SOS1: variants seen among roughly 807,000 people sequenced by gnomAD.
SOS1 encodes SOS Ras/Rac guanine nucleotide exchange factor 1.
In SOS1, 25 loss-of-function variants were observed where a neutral mutation model predicts 157.6. The observed-to-expected ratio is 0.16, with a 90% CI of 0.12 to 0.22. The LOEUF (loss-of-function observed/expected upper bound fraction) is 0.22. SOS1 is among the 10% of genes least tolerant of loss of function. The probability of loss-of-function intolerance (pLI) is 1.00; values close to 1 mark genes in which losing one functional copy is unlikely to be tolerated. For synonymous variants in SOS1, 528 were observed against 534.0 expected, an observed-to-expected ratio of 0.99 and a Z score of 0.16; for missense variants, 1,237 against 1,599.1, an observed-to-expected ratio of 0.77 and a Z score of 3.86.
chr2:39,090,296 C>A (rs2148186390), intron 1 of SOS1, among the ~76,000 whole-genome samples: 1 of 152,264 alleles, frequency 6.6e-6, no homozygotes, highest in Admixed American at 6.5e-5. Flanking sequence ...AATGTCTGAT[C>A]CAACTTTTTC....
At chr2:39,025,608 C>T (rs1669933246) in intron 8 of SOS1, among the ~76,000 whole-genome samples, 1 of 151,968 alleles carries the variant, frequency 6.6e-6, no homozygotes, top group East Asian at 1.9e-4. Context: ...GATCTGCCTG[C>T]TTCGGCCTCC....
chr2:39,114,128 C>T (rs188670459), intron 1 of SOS1, among the ~76,000 whole-genome samples: 26 of 152,084 alleles, frequency 1.7e-4, no homozygotes, highest in African/African-American at 5.5e-4. Flanking sequence ...CAGGGTTTTA[C>T]CCTGTCACCC....
At chr2:39,052,250 A>T (rs1023699532) in intron 5 of SOS1, among the ~76,000 whole-genome samples, 2 of 152,046 alleles carry the variant, frequency 1.3e-5, no homozygotes, top group African/African-American at 4.8e-5. Context: ...TCCATTTTGT[A>T]TTTAAATTAA....
At chr2:39,091,432 A>G (rs1010576074) in intron 1 of SOS1, among the ~76,000 whole-genome samples, 2 of 152,084 alleles carry the variant, frequency 1.3e-5, no homozygotes, top group African/African-American at 4.8e-5. Context: ...GAAAAATTCA[A>G]CTTTCCCATA....
At chr2:39,023,513 T>C (rs1248802229) in intron 9 of SOS1, among the ~76,000 whole-genome samples, 1 of 151,946 alleles carries the variant, frequency 6.6e-6, no homozygotes, top group Admixed American at 6.6e-5. Flanking sequence ...GAATGACAAC[T>C]AATAAAAAGT....
rs1265521525 is a variant in SOS1, at chr2:38,995,316, C to T, written c.3153G>A (p.Arg1051=). Residue 1051 remains arginine, a synonymous_variant, in exon 20 of 23, where the codon AGG becomes AGA. Coordinates refer to ENST00000402219, the MANE Select transcript of SOS1 (RefSeq NM_005633.4). ...GCTCCTGCTGCAGAGGTGTGGGATGCCTCATGGTACCTGGTCTTGGGTTTG... is the reference window on the plus strand; with the variant it reads ...GCTCCTGCTGCAGAGGTGTGGGATGTCTCATGGTACCTGGTCTTGGGTTTG... ...RPSNPRPGTM[R]HPTPLQQEPR... 3.7e-6 allele frequency: 6 copies of T among 1,613,422 alleles called. No individual in the cohort carries two copies. Among genetic ancestry groups the T allele is most frequent in the Admixed American group, 1.7e-5 (1 of 60,006 alleles).
At chr2:39,076,132 G>A (rs1445678274) in intron 1 of SOS1, among the ~76,000 whole-genome samples, 5 of 152,164 alleles carry the variant, frequency 3.3e-5, no homozygotes, top group African/African-American at 1.2e-4. Context: ...AAACTTGGCC[G>A]GGTGTGATGG....
At chr2:39,011,827 C>CT (rs1309758189) in intron 14 of SOS1, among the ~76,000 whole-genome samples, 1 of 152,024 alleles carries the variant, frequency 6.6e-6, no homozygotes, top group East Asian at 1.9e-4. Context: ...AAATAAGGGG[C>CT]AGAAGGATAA....
chr2:39,100,832 T>C (rs1672940371), intron 1 of SOS1, among the ~76,000 whole-genome samples: 1 of 151,966 alleles, frequency 6.6e-6, no homozygotes, highest in South Asian at 2.1e-4. Flanking sequence ...GGAGGGAGGA[T>C]CACTTAAGCC....
At chr2:39,077,160 T>C (rs1242602546) in intron 1 of SOS1, among the ~76,000 whole-genome samples, 2 of 152,052 alleles carry the variant, frequency 1.3e-5, no homozygotes, top group African/African-American at 2.4e-5. Context: ...CTGACAAATA[T>C]GGTAAAACCT....
intron 1 of SOS1, among the ~76,000 whole-genome samples, chr2:39,080,779 A>C (rs1274337743): frequency 6.6e-6 from 1 of 152,144 alleles, no homozygotes; most frequent in Non-Finnish European, 1.5e-5. Flanking sequence ...ATAGCCTAGC[A>C]ATACCCAAAT....
intron 5 of SOS1, among the ~76,000 whole-genome samples, chr2:39,052,420 C>A (rs991800889): frequency 6.6e-5 from 10 of 152,218 alleles, no homozygotes; most frequent in Admixed American, 2.6e-4. Context: ...AGATACAGTA[C>A]CTTTTCATCG....
intron 8 of SOS1, among the ~76,000 whole-genome samples, chr2:39,027,154 T>G (rs1419132585): frequency 2.0e-5 from 3 of 152,190 alleles, no homozygotes; most frequent in Non-Finnish European, 4.4e-5. Flanking sequence ...TATTTTTAAT[T>G]CAGGAAAACA....
At chr2:39,003,559 A>C (rs1669181192) in intron 17 of SOS1, among the ~76,000 whole-genome samples, 1 of 152,256 alleles carries the variant, frequency 6.6e-6, no homozygotes, top group Non-Finnish European at 1.5e-5. Flanking sequence ...ACCCAAGGAA[A>C]TTAAAAATTC....
chr2:39,087,306 T>A lies in SOS1; in HGVS notation c.88-19553A>T, dbSNP rs374228814. ...ACTTTCCTAGACAAAATAAAGTATC[T>A]TAGTTTCGTAAATATTAACCACTGC... On this transcript the variant is annotated intron_variant, in intron 1 of 22. Transcript: ENST00000402219. 1.1e-3 allele frequency among the ~76,000 whole-genome samples: 163 copies of A among 152,338 alleles called. 1 individual carries two copies. The South Asian group carries it at 0.015, about 14-fold the overall frequency.
chr2:39,099,407 G>C (rs1372012936), intron 1 of SOS1, among the ~76,000 whole-genome samples: 1 of 152,154 alleles, frequency 6.6e-6, no homozygotes, highest in African/African-American at 2.4e-5. Context: ...AATCCATAAA[G>C]ACAGAAAATA....
chr2:39,120,112 G>A (rs1451257693), intron 1 of SOS1, among the ~76,000 whole-genome samples: 3 of 152,140 alleles, frequency 2.0e-5, no homozygotes, highest in African/African-American at 4.8e-5. Context: ...TGGATTATCC[G>A]GATAAACTCC....
rs765074047 is a variant in SOS1, at chr2:39,013,530, G to A, written c.2097C>T (p.His699=). ...CATCTCTTTCAAAATCATAGAAGTGGTGCTCTACCCAGTGCCGACATACAT... is the reference window on the plus strand; with the variant it reads ...CATCTCTTTCAAAATCATAGAAGTGATGCTCTACCCAGTGCCGACATACAT... ...VLNVCRHWVE[H]HFYDFERDAY... is the part of the protein sequence containing the mutation. Residue 699 remains histidine (H), a synonymous_variant, in exon 13 of 23, where the codon CAC becomes CAT. Transcript: ENST00000402219. 1.2e-6 allele frequency: 2 copies of A among 1,611,720 alleles called. No individual in the cohort carries two copies. Among genetic ancestry groups the A allele is most frequent in the Non-Finnish European group, 1.7e-6 (2 of 1,178,244 alleles).
chr2:38,995,249 C>G lies in SOS1; in HGVS notation c.3220G>C (p.Glu1074Gln). The change falls in exon 20 of 23, where the codon GAA becomes CAA. Residue 1074 changes from glutamate to glutamine, a missense_variant. Coordinates refer to ENST00000402219, the MANE Select transcript of SOS1 (RefSeq NM_005633.4). ...SYSRIPESET[E>Q]STASAPNSPR... ...GAATTTGGTGCAGATGCTGTACTTT[C>G]TGTTTCACTTTCAGGGATCCTACTA... The G allele has an allele frequency of 6.2e-7, 1 of 1,614,092 alleles. No individual in the cohort carries two copies. The highest frequency in any genetic ancestry group is 8.5e-7 in the Non-Finnish European group (1 of 1,179,986).
Sources: allele counts gnomAD v4.1 joint callset (sites outside exome capture counted in the v4.1 genomes callset), GRCh38; gene constraint gnomAD v4.1.1; transcripts MANE v1.5; gene names NCBI Gene and HGNC (gene_info 2026-07-23, HGNC 2026-07-21).